MMP17: variants seen among roughly 807,000 people sequenced by gnomAD.
MMP17 encodes the protein matrix metallopeptidase 17, also known as matrix metalloproteinase-17.
Under a neutral mutation model 49.1 loss-of-function variants are expected in MMP17, and 54 were observed. That is an observed-to-expected ratio of 1.10 (90% CI 0.88 to 1.38). The LOEUF (loss-of-function observed/expected upper bound fraction) is 1.38. MMP17 is among the 40% of genes most tolerant of loss of function. The pLI is 0.00. For missense variants in MMP17, 837 were observed against 853.7 expected (o/e 0.98, Z 0.24); for synonymous variants, 397 against 383.1 (o/e 1.04, Z -0.42).
intron 8 of MMP17, 101 bp downstream of exon 8, chr12:131,845,550 C>A: frequency 7.1e-7 from 1 of 1,409,476 alleles, no homozygotes; most frequent in Non-Finnish European, 9.3e-7. Flanking sequence ...CTACGTCTGC[C>A]CAGAGGCTGG....
At chr12:131,848,813 G>A (rs1398804480) in intron 8 of MMP17, among the ~76,000 whole-genome samples, 1 of 152,168 alleles carries the variant, frequency 6.6e-6, no homozygotes, top group Non-Finnish European at 1.5e-5. Flanking sequence ...CACCTCGTTC[G>A]CCTGCTCACT....
At chr12:131,844,864 C>T (rs141004763) in intron 6 of MMP17, 94 of 526,084 alleles carry the variant, frequency 1.8e-4, no homozygotes, top group Middle Eastern at 1.6e-3. Flanking sequence ...CCAGTCTCCA[C>T]CCCTGAGCTC....
chr12:131,845,416 C>G lies in MMP17; in HGVS notation c.1171C>G (p.Arg391Gly), dbSNP rs775074248. Residue 391 changes from arginine to glycine, a missense_variant, in exon 8 of 10, where the codon CGC (arginine) becomes GGC (glycine). By Grantham distance (125) the Arg-to-Gly change is moderately radical. Coordinates refer to ENST00000360564, the MANE Select transcript of MMP17 (RefSeq NM_016155.7). ...HLDSVDAVYE[R>G]TSDHKIVFFK... ...GGACAGCGTGGACGCCGTGTACGAG[C>G]GCACCAGCGACCACAAGATCGTCTT... The G allele has an allele frequency of 1.9e-6, 3 of 1,580,796 alleles. No individual in the cohort carries two copies. The highest frequency in any genetic ancestry group is 2.6e-6 in the Non-Finnish European group (3 of 1,165,346).
intron 4 of MMP17, among the ~76,000 whole-genome samples, 185 bp from the exon 5 acceptor site, chr12:131,841,439 G>A (rs1254335549): frequency 2.0e-5 from 3 of 152,190 alleles, no homozygotes; most frequent in African/African-American, 7.2e-5. Flanking sequence ...GGGAAGCCCA[G>A]CAGGCCCCAC....
At chr12:131,838,397 T>C in intron 2 of MMP17, 70 bp downstream of exon 2, 2 of 1,571,254 alleles carry the variant, frequency 1.3e-6, no homozygotes, top group Non-Finnish European at 1.7e-6. Flanking sequence ...CCATGCCCCC[T>C]CTGATCAGGC....
chr12:131,830,834 C>T (rs1401042694), intron 1 of MMP17, among the ~76,000 whole-genome samples: 3 of 152,216 alleles, frequency 2.0e-5, no homozygotes, highest in Non-Finnish European at 4.4e-5. Context: ...GCCGGGCTTT[C>T]AGGAGCCCCC....
At chr12:131,849,028 C>T (rs921909042) in intron 8 of MMP17, among the ~76,000 whole-genome samples, 8 of 152,208 alleles carry the variant, frequency 5.3e-5, no homozygotes, top group African/African-American at 1.2e-4. Context: ...ACTCCCTCCC[C>T]GGCAGCGCCC....
intron 1 of MMP17, among the ~76,000 whole-genome samples, chr12:131,829,884 G>A (rs1035282110): frequency 6.6e-6 from 1 of 152,230 alleles, no homozygotes; most frequent in Non-Finnish European, 1.5e-5. Flanking sequence ...TGCTGCCCGC[G>A]TCCAGGTGCC....
At chr12:131,850,479 G>A (rs1265471453) in intron 9 of MMP17, among the ~76,000 whole-genome samples, 2 of 152,224 alleles carry the variant, frequency 1.3e-5, no homozygotes, top group Non-Finnish European at 2.9e-5. Context: ...CACAGGGTCA[G>A]CTCCAGGGAC....
Position 131,838,219 on chromosome 12 carries a change from C to G in MMP17, c.184C>G (p.Leu62Val). Reference sequence around the variant, plus strand: ...GGAGTGGCTAAGCAGGTTCGGTTACCTGCCCCCGGCTGACCCCACAACAGG... The same window carrying G: ...GGAGTGGCTAAGCAGGTTCGGTTACGTGCCCCCGGCTGACCCCACAACAGG... ...GVEWLSRFGYLPPADPTTGQL... is the reference protein window; with the variant it reads ...GVEWLSRFGYVPPADPTTGQL... The change falls in exon 2 of 10, where the codon CTG (leucine) becomes GTG (valine). Residue 62 changes from leucine to valine, a missense_variant. Leu to Val is a conservative substitution (Grantham distance 32). Coordinates refer to ENST00000360564, the MANE Select transcript of MMP17 (RefSeq NM_016155.7). 1 of 1,612,978 alleles carries G rather than the reference C, an allele frequency of 6.2e-7. No individual in the cohort carries two copies. The highest frequency in any genetic ancestry group is 1.3e-5 in the African/African-American group (1 of 75,044).
At chr12:131,850,730 T>C (rs1887929414) in intron 9 of MMP17, among the ~76,000 whole-genome samples, 195 bp from the exon 10 acceptor site, 1 of 151,184 alleles carries the variant, frequency 6.6e-6, no homozygotes, top group African/African-American at 2.4e-5. Flanking sequence ...CCCTGCCATC[T>C]AGCACGAGCC....
Position 131,849,429 on chromosome 12 carries a change from A to G in MMP17, c.1205-373A>G, listed in dbSNP as rs1215089499. Among the ~76,000 whole-genome samples, 7 of 152,264 alleles carry G rather than the reference A, an allele frequency of 4.6e-5. No individual in the cohort carries two copies. In the East Asian group the frequency reaches 7.7e-4, roughly 17 times the overall value. ...AACCCAGGGGCGGAGGTTGCAGTGAACCGAGATCAAGTCACTGCACTCCAG... is the reference window on the plus strand; with the variant it reads ...AACCCAGGGGCGGAGGTTGCAGTGAGCCGAGATCAAGTCACTGCACTCCAG... On this transcript the variant is annotated intron_variant, in intron 8 of 9. Transcript: ENST00000360564.
Position 131,840,607 on chromosome 12 carries a change from CACG to C in MMP17, c.460_462del (p.Asp154del). ...GTTCCCACGGGACTCACCACTGGGG[CACG>C]ACACGGTGCGTGCACTCATGTACTA... On this transcript the variant is annotated inframe_deletion, in exon 4 of 10. Transcript: ENST00000360564. 6.2e-7 allele frequency: 1 copy of C among 1,602,478 alleles called. No individual in the cohort carries two copies. The highest frequency in any genetic ancestry group is 1.1e-5 in the South Asian group (1 of 90,880).
In MMP17 at chr12:131,847,109, T is replaced by TAA. The variant is rs34505286; in HGVS notation, c.1204+1674_1204+1675dup. 1.8e-3 allele frequency among the ~76,000 whole-genome samples: 240 copies of TAA among 136,600 alleles called. 2 individuals carry two copies. Among genetic ancestry groups the TAA allele is most frequent in the Admixed American group, 6.8e-3 (93 of 13,724 alleles). The allele number at this position is 136,600 out of a possible 152,430, so 89.6% of individuals were successfully genotyped here. Reference sequence around the variant, plus strand: ...CTGGGCGACAGAGCAAGACCTTGTCTAAAAAAAAAAAAAAACCAAAATGTC... The same window carrying TAA: ...CTGGGCGACAGAGCAAGACCTTGTCTAAAAAAAAAAAAAAAAACCAAAATGTC... On this transcript the variant is annotated intron_variant, in intron 8 of 9. Transcript: ENST00000360564.
chr12:131,850,475 G>T (rs1887917889), intron 9 of MMP17, among the ~76,000 whole-genome samples: 1 of 152,214 alleles, frequency 6.6e-6, no homozygotes, highest in Non-Finnish European at 1.5e-5. Flanking sequence ...TCCCCACAGG[G>T]TCAGCTCCAG....
chr12:131,850,490 G>A (rs1043031227), intron 9 of MMP17, among the ~76,000 whole-genome samples: 3 of 152,196 alleles, frequency 2.0e-5, no homozygotes, highest in African/African-American at 4.8e-5. Context: ...CTCCAGGGAC[G>A]GCAGCATCCT....
chr12:131,840,960 C>T, intron 4 of MMP17, 104 bp downstream of exon 4: 4 of 1,320,160 alleles, frequency 3.0e-6, no homozygotes, highest in Non-Finnish European at 4.0e-6. Context: ...GCTGAAAACA[C>T]ACGCGGCTGC....
At chr12:131,834,435 C>T (rs1018278037) in intron 1 of MMP17, among the ~76,000 whole-genome samples, 19 of 152,136 alleles carry the variant, frequency 1.2e-4, no homozygotes, top group Non-Finnish European at 2.1e-4. Flanking sequence ...GGCGGGTGGG[C>T]GTGGAGGGGG....
intron 8 of MMP17, among the ~76,000 whole-genome samples, chr12:131,847,151 G>T (rs552278731): frequency 1.2e-4 from 18 of 150,334 alleles, no homozygotes; most frequent in African/African-American, 4.2e-4. Flanking sequence ...AGTGGCTCAC[G>T]CCTGCAATCC....
Sources: allele counts gnomAD v4.1 joint callset (sites outside exome capture counted in the v4.1 genomes callset), GRCh38; gene constraint gnomAD v4.1.1; transcripts MANE v1.5; gene names NCBI Gene and HGNC (gene_info 2026-07-23, HGNC 2026-07-21).